SEC14L1: variants seen among roughly 807,000 people sequenced by gnomAD.
The protein encoded by SEC14L1 is SEC14-like protein 1.
Under a neutral mutation model 85.3 loss-of-function variants are expected in SEC14L1, and 48 were observed. That is an observed-to-expected ratio of 0.56 (90% confidence interval 0.45 to 0.72). The LOEUF (loss-of-function observed/expected upper bound fraction) is 0.72. Among genes scored for constraint, SEC14L1 ranks in the 30% least tolerant of loss-of-function variants. SEC14L1 has a pLI of 0.00. For missense variants in SEC14L1, 682 were observed against 921.4 expected, an observed-to-expected ratio of 0.74 and a Z score of 3.36; for synonymous variants, 391 against 355.5, an observed-to-expected ratio of 1.10 and a Z score of -1.12.
intron 3 of SEC14L1, among the ~76,000 whole-genome samples, chr17:77,175,669 C>G (rs1974721256): frequency 6.6e-6 from 1 of 152,118 alleles, no homozygotes; most frequent in Non-Finnish European, 1.5e-5. Flanking sequence ...TAAACTCATT[C>G]TATAAAACAA....
At chr17:77,170,811 C>T (rs923662071) in intron 3 of SEC14L1, among the ~76,000 whole-genome samples, 1 of 152,126 alleles carries the variant, frequency 6.6e-6, no homozygotes, top group Non-Finnish European at 1.5e-5. Flanking sequence ...CATTTTATTC[C>T]TAGTGCTTGA....
intron 3 of SEC14L1, among the ~76,000 whole-genome samples, chr17:77,174,430 C>T (rs887391994): frequency 1.6e-4 from 25 of 152,192 alleles, no homozygotes; most frequent in African/African-American, 6.0e-4. Flanking sequence ...CCGGACTCCA[C>T]ACTCAATTGT....
At chr17:77,104,850 C>G (rs191564523) in intron 3 of SEC14L1, among the ~76,000 whole-genome samples, 2 of 150,546 alleles carry the variant, frequency 1.3e-5, no homozygotes, top group Non-Finnish European at 2.9e-5. Flanking sequence ...GTTGAGGACA[C>G]GTACCTGTGA....
chr17:77,139,569 C>T (rs1328174918), upstream of SEC14L1, among the ~76,000 whole-genome samples: 91 of 148,716 alleles, frequency 6.1e-4, 3 homozygotes, highest in Admixed American at 6.2e-3. Context: ...GCGATCTCGG[C>T]TCACTGCAAG....
At chr17:77,202,684 C>T (rs1325110885) in intron 9 of SEC14L1, among the ~76,000 whole-genome samples, 3 of 152,044 alleles carry the variant, frequency 2.0e-5, no homozygotes, top group Non-Finnish European at 4.4e-5. Context: ...GTTTGGGAGG[C>T]GGAGGCAGGC....
At chr17:77,162,127 G>A (rs1263426712) in intron 3 of SEC14L1, among the ~76,000 whole-genome samples, 1 of 151,948 alleles carries the variant, frequency 6.6e-6, no homozygotes, top group Non-Finnish European at 1.5e-5. Flanking sequence ...CAGGACGAGG[G>A]GCTTTCTGCA....
At chr17:77,180,761 G>A (rs1974996790) in intron 3 of SEC14L1, among the ~76,000 whole-genome samples, 1 of 152,184 alleles carries the variant, frequency 6.6e-6, no homozygotes, top group African/African-American at 2.4e-5. Context: ...ACAAGTGGAC[G>A]GGTATGCCGT....
intron 3 of SEC14L1, among the ~76,000 whole-genome samples, chr17:77,151,893 T>C (rs564252021): frequency 6.6e-6 from 1 of 152,348 alleles, no homozygotes; most frequent in Non-Finnish European, 1.5e-5. Context: ...ACTTTTTTCT[T>C]TCCTGGTGTA....
At chr17:77,090,745 T>C (rs1971492953) in intron 2 of SEC14L1, among the ~76,000 whole-genome samples, 1 of 151,970 alleles carries the variant, frequency 6.6e-6, no homozygotes, top group Admixed American at 6.6e-5. Flanking sequence ...ATCACAGCAC[T>C]TTTGGAGGCT....
At chr17:77,180,269 G>T (rs1042522393) in intron 3 of SEC14L1, among the ~76,000 whole-genome samples, 4 of 151,244 alleles carry the variant, frequency 2.6e-5, no homozygotes, top group African/African-American at 4.9e-5. Flanking sequence ...ATGCCCAGCT[G>T]ATTTTTCTGT....
intron 3 of SEC14L1, among the ~76,000 whole-genome samples, chr17:77,179,284 G>C (rs977069027): frequency 1.3e-5 from 2 of 152,210 alleles, no homozygotes; most frequent in Non-Finnish European, 2.9e-5. Context: ...TGAGAGAGGG[G>C]TGGTAAAAAG....
intron 3 of SEC14L1, among the ~76,000 whole-genome samples, chr17:77,179,936 C>T (rs989317038): frequency 1.3e-5 from 2 of 152,130 alleles, no homozygotes; most frequent in Non-Finnish European, 1.5e-5. Context: ...CTCAGCCTCC[C>T]AAAGTGCTGG....
chr17:77,103,541 A>C (rs1268352376), intron 3 of SEC14L1, among the ~76,000 whole-genome samples: 1 of 150,210 alleles, frequency 6.7e-6, no homozygotes, highest in Admixed American at 6.6e-5. Flanking sequence ...TCCTGGGCTC[A>C]AGCGATTCTC....
intron 3 of SEC14L1, among the ~76,000 whole-genome samples, chr17:77,116,791 C>T (rs1027261510): frequency 8.5e-5 from 13 of 152,146 alleles, no homozygotes; most frequent in African/African-American, 3.1e-4. Context: ...AACCCTCTTT[C>T]ATGTCTGTAA....
intron 3 of SEC14L1, among the ~76,000 whole-genome samples, chr17:77,147,079 C>T (rs16969687): frequency 0.07 from 10,700 of 152,260 alleles, 469 homozygotes; most frequent in East Asian, 0.26. Flanking sequence ...CTCACTAGAA[C>T]GCACGGTGGC....
chr17:77,173,709 A>G (rs1305257184), intron 3 of SEC14L1, among the ~76,000 whole-genome samples: 1 of 152,150 alleles, frequency 6.6e-6, no homozygotes, highest in African/African-American at 2.4e-5. Flanking sequence ...AAACAACAGT[A>G]TTTTATCATT....
intron 3 of SEC14L1, among the ~76,000 whole-genome samples, chr17:77,172,460 A>AAAGC (rs1974559251): frequency 6.6e-6 from 1 of 151,906 alleles, no homozygotes; most frequent in African/African-American, 2.4e-5. Context: ...GTGGGGGCTT[A>AAAGC]AGTTCTTTAT....
chr17:77,140,606 T>C (rs568610148), upstream of SEC14L1: 1,372 of 152,604 alleles, frequency 9.0e-3, 12 homozygotes, highest in Admixed American at 0.023. Context: ...ACCCCTCCCC[T>C]GCACGCCGGC....
Position 77,206,821 on chromosome 17 carries a change from G to C in SEC14L1, c.1435G>C (p.Asp479His), listed in dbSNP as rs200758467. Residue 479 changes from aspartate to histidine, a missense_variant, in exon 13 of 17, where the codon GAC (aspartate) becomes CAC (histidine). Coordinates refer to ENST00000436233, the MANE Select transcript of SEC14L1 (RefSeq NM_001143998.2). This position sits in a 1 kb window ranked among gnomAD's most constrained non-coding sequence, Gnocchi z 4.3. Reference sequence around the variant, plus strand: ...TCCTGGAGGCCTGCTGGATTACATCGACAAAGAGATTATTCCAGATTTCCT... The same window carrying C: ...TCCTGGAGGCCTGCTGGATTACATCCACAAAGAGATTATTCCAGATTTCCT... ...QGPGGLLDYI[D>H]KEIIPDFLSG... 3 of 1,611,020 alleles carry C rather than the reference G, an allele frequency of 1.9e-6. No homozygotes were observed. The highest frequency in any genetic ancestry group is 1.7e-4 in the Middle Eastern group (1 of 6,050).
Sources: gnomAD v4.1 joint callset for allele counts (sites outside exome capture counted in the v4.1 genomes callset) on GRCh38, gnomAD v4.1.1 for gene constraint, Gnocchi (gnomAD v3.1) non-coding constraint, MANE v1.5 for transcripts, NCBI Gene and HGNC (gene_info 2026-07-23, HGNC 2026-07-21) for gene names.